Variants in ZNF74 observed in about 807,000 individuals in gnomAD.
The protein encoded by ZNF74 is zinc finger protein 520.
In ZNF74, 12 loss-of-function variants were observed where a neutral mutation model predicts 17.7. That is an observed-to-expected ratio of 0.68 (90% CI 0.43 to 1.10). ZNF74 has a LOEUF of 1.10. ZNF74 is among the 50% of genes least tolerant of loss of function. The pLI is 0.00. For missense variants in ZNF74, 811 were observed against 881.0 expected (o/e 0.92, Z 1.01); for synonymous variants, 358 against 362.1 (o/e 0.99, Z 0.13).
At chr22:20,400,141 T>C (rs1480869700) in intron 2 of ZNF74, 1 of 164,132 alleles carries the variant, frequency 6.1e-6, no homozygotes, top group Non-Finnish European at 1.3e-5. Context: ...GCACAGAACT[T>C]GCTGATATAT....
At position 20,402,833 on chromosome 22, in the gene ZNF74, G is replaced by A. The variant is rs368702962; in HGVS notation, c.343+1461G>A. Among the ~76,000 whole-genome samples, 605 of 149,766 alleles carry A rather than the reference G, an allele frequency of 4.0e-3. 3 individuals are homozygous for A. The highest frequency in any genetic ancestry group is 0.014 in the African/African-American group (585 of 40,750). On this transcript the variant is annotated intron_variant, in intron 4 of 4. Coordinates refer to ENST00000400451, the MANE Select transcript of ZNF74 (RefSeq NM_003426.4). ...AAAAAAAAAAAAAAATTAGCTGGGC[G>A]TGGTGGTGAGCACCTGTAATCCCAG...
rs1209539068 is a variant in ZNF74 at position 20,400,731 on chromosome 22, G to C, written c.220G>C (p.Glu74Gln). The change falls in exon 3 of 5, where the codon GAG (glutamate) becomes CAG (glutamine). Residue 74 changes from glutamate to glutamine, a missense_variant. Transcript: ENST00000400451. The stretch of plus-strand genomic sequence containing the variant: ...GGCCTTGTACCGGGATGTGATGTTG[G>C]AGAACTACCAGAACCTTCTTGCCCT... ...QRALYRDVML[E>Q]NYQNLLALGP... The C allele has an allele frequency of 6.8e-6, 11 of 1,614,024 alleles. No homozygotes were observed. The highest frequency in any genetic ancestry group is 7.6e-6 in the Non-Finnish European group (9 of 1,180,020).
rs1250959566 is a variant in ZNF74 at position 20,401,488 on chromosome 22, C to G, written c.343+116C>G. 1.0e-5 allele frequency: 7 copies of G among 693,360 alleles called. No homozygotes were observed. The highest frequency in any genetic ancestry group is 1.8e-5 in the Non-Finnish European group (7 of 393,734). 43.0% of individuals were successfully genotyped at this position (693,360 alleles called of 1,614,324 possible). ...CCGGCTCCATCTCCCCTTTTCAGGT[C>G]CCCCGCCAGACCCTCCTGCCTGCCT... On this transcript the variant is annotated intron_variant, in intron 4 of 4. Transcript: ENST00000400451. The surrounding 1 kb of genome is among the most constrained non-coding windows in gnomAD (Gnocchi z 4.2).
chr22:20,400,864 A>G, intron 3 of ZNF74, 106 bp downstream of exon 3: 1 of 1,383,914 alleles, frequency 7.2e-7, no homozygotes. Context: ...CAGATATATC[A>G]TGGGGTGGGA....
intron 1 of ZNF74, 98 bp downstream of exon 1, chr22:20,394,760 T>TA: frequency 3.2e-5 from 35 of 1,084,684 alleles, no homozygotes; most frequent in Non-Finnish European, 4.4e-5. Context: ...GCATCCAGCA[T>TA]CTTTTTTTTT....
chr22:20,396,439 C>T (rs898835647), intron 2 of ZNF74, among the ~76,000 whole-genome samples: 5 of 151,840 alleles, frequency 3.3e-5, no homozygotes, highest in African/African-American at 9.7e-5. Context: ...CATATTGTAT[C>T]AATATGAAAT....
Position 20,406,839 on chromosome 22 carries a change from G to T in ZNF74, c.1806G>T (p.Leu602=), listed in dbSNP as rs913539884. The change falls in exon 5 of 5, where the codon CTG becomes CTT. Residue 602 remains leucine, a synonymous_variant. Coordinates refer to ENST00000400451, the MANE Select transcript of ZNF74 (RefSeq NM_003426.4). ...GCACATACTACGTGCCTGGCAGCCT[G>T]CTGGGTGCAGGGGATGCTGGACTGA... ...LLSTYYVPGS[L]LGAGDAGLRD... is the part of the protein sequence containing the mutation. 6.2e-7 allele frequency: 1 copy of T among 1,614,098 alleles called. No homozygotes were observed. Among genetic ancestry groups the T allele is most frequent in the Non-Finnish European group, 8.5e-7 (1 of 1,180,042 alleles).
In ZNF74 at chr22:20,394,402, T is replaced by TGGTGTGGGGAGTGGG; in HGVS notation, c.-226_-212dup. On this transcript the variant is annotated 5_prime_UTR_variant, in exon 1 of 5. Transcript: ENST00000400451. ...AGTGCGCCGAGCATGGGGCTGAGCC[T>TGGTGTGGGGAGTGGG]GGTGTGGGGAGTGGGTATCTGCGGA... 1.5e-6 allele frequency: 1 copy of TGGTGTGGGGAGTGGG among 648,976 alleles called. No individual in the cohort carries two copies. Among genetic ancestry groups the TGGTGTGGGGAGTGGG allele is most frequent in the South Asian group, 1.7e-5 (1 of 60,002 alleles). The allele number at this position is 648,976 out of a possible 1,614,324, so 40.2% of individuals were successfully genotyped here. A position where few individuals can be genotyped will look rare whatever the true frequency, so the allele number is the denominator to read the frequency against.
Position 20,406,486 on chromosome 22 carries a change from G to A in ZNF74, c.1453G>A (p.Ala485Thr), listed in dbSNP as rs1239263448. ...NECGKAFSSH[A>T]YLIVHRRIHT... ...GTGCGGCAAAGCCTTCAGCTCCCAC[G>A]CCTACCTCATCGTGCACCGGCGCAT... Residue 485 changes from alanine (A) to threonine (T), a missense_variant, in exon 5 of 5, where the codon GCC becomes ACC. Ala to Thr is a moderately conservative substitution (Grantham distance 58). Coordinates refer to ENST00000400451, the MANE Select transcript of ZNF74 (RefSeq NM_003426.4). 6.2e-7 allele frequency: 1 copy of A among 1,608,798 alleles called. No individual in the cohort carries two copies. Among genetic ancestry groups the A allele is most frequent in the Non-Finnish European group, 8.5e-7 (1 of 1,178,476 alleles).
rs1569096247 is a variant in ZNF74, at chr22:20,405,890, CCTGGAGCACCAACCTT to C, written c.868_883del (p.Asn290GlyfsTer316). 4 of 1,613,378 alleles carry C rather than the reference CCTGGAGCACCAACCTT, an allele frequency of 2.5e-6. No homozygotes were observed. The highest frequency in any genetic ancestry group is 3.4e-6 in the Non-Finnish European group (4 of 1,179,812). ...TGCGATGAATGCGGCAAGGCCTTCA[CCTGGAGCACCAACCTT>C]CTGGAGCACCGGCGCATCCACACCG... On this transcript the variant is annotated frameshift_variant, in exon 5 of 5. Transcript: ENST00000400451. LOFTEE classifies it low-confidence loss of function (END_TRUNC).
At position 20,406,447 on chromosome 22, in the gene ZNF74, T is replaced by TTCAAG; in HGVS notation, c.1416_1420dup (p.Cys474SerfsTer139). The TTCAAG allele has an allele frequency of 6.2e-7, 1 of 1,613,968 alleles. No homozygotes were observed. The highest frequency in any genetic ancestry group is 8.5e-7 in the Non-Finnish European group (1 of 1,179,966). On this transcript the variant is annotated frameshift_variant, in exon 5 of 5. Transcript: ENST00000400451. LOFTEE classifies it low-confidence loss of function (END_TRUNC). ...GCGCATCCACAGCGGCGAGAAGCCC[T>TTCAAG]TCAAGTGCAACGAGTGCGGCAAAGC...
At position 20,401,090 on chromosome 22, in the gene ZNF74, G is replaced by A; in HGVS notation, c.248-187G>A. 3.3e-6 allele frequency: 2 copies of A among 600,136 alleles called. No homozygotes were observed. Among genetic ancestry groups the A allele is most frequent in the Non-Finnish European group, 5.9e-6 (2 of 336,770 alleles). 37.2% of individuals were successfully genotyped at this position (600,136 alleles called of 1,614,324 possible). A position where few individuals can be genotyped will look rare whatever the true frequency, so the allele number is the denominator to read the frequency against. ...AAGTAAGGACGTCAGCACACGTGGG[G>A]TCTTCAGAGTATACACTGGGATTTG... On this transcript the variant is annotated intron_variant, in intron 3 of 4. Coordinates refer to ENST00000400451, the MANE Select transcript of ZNF74 (RefSeq NM_003426.4). This position sits in a 1 kb window ranked among gnomAD's most constrained non-coding sequence, Gnocchi z 4.2.
rs2052356328 is a variant in ZNF74, at chr22:20,401,439, C to T, written c.343+67C>T. The stretch of plus-strand genomic sequence containing the variant: ...CCTGGTGGCACCTCCTCCTATGGCC[C>T]CTATTTTCCTCCCTCAGTTTGCCCC... On this transcript the variant is annotated intron_variant, in intron 4 of 4. Transcript: ENST00000400451. This position sits in a 1 kb window ranked among gnomAD's most constrained non-coding sequence, Gnocchi z 4.2. 1 of 1,049,028 alleles carries T rather than the reference C, an allele frequency of 9.5e-7. No homozygotes were observed. Among genetic ancestry groups the T allele is most frequent in the Non-Finnish European group, 1.4e-6 (1 of 701,870 alleles). 65.0% of individuals were successfully genotyped at this position (1,049,028 alleles called of 1,614,324 possible).
intron 2 of ZNF74, among the ~76,000 whole-genome samples, chr22:20,397,474 C>A (rs894109038): frequency 2.6e-5 from 4 of 152,100 alleles, no homozygotes; most frequent in African/African-American, 7.2e-5. Context: ...GTTGTGTAAC[C>A]AGCACCACAA....
chr22:20,398,190 G>A (rs376952832), intron 2 of ZNF74, among the ~76,000 whole-genome samples: 142 of 152,034 alleles, frequency 9.3e-4, no homozygotes, highest in Middle Eastern at 3.4e-3. Flanking sequence ...GTTAGTTCTC[G>A]CCTGTAGTCC....
In ZNF74 at chr22:20,394,193, T is replaced by G; in HGVS notation, c.-436T>G. Reference sequence around the variant, plus strand: ...CTCTTTGTGGCAGTCGCAGTCCTTTTGTGGGAGTCCGGTCTGTCCACTTGC... The same window carrying G: ...CTCTTTGTGGCAGTCGCAGTCCTTTGGTGGGAGTCCGGTCTGTCCACTTGC... On this transcript the variant is annotated 5_prime_UTR_variant, in exon 1 of 5. Coordinates refer to ENST00000400451, the MANE Select transcript of ZNF74 (RefSeq NM_003426.4). 1.5e-6 allele frequency: 1 copy of G among 659,934 alleles called. No individual in the cohort carries two copies. Among genetic ancestry groups the G allele is most frequent in the Non-Finnish European group, 2.8e-6 (1 of 360,266 alleles). 40.9% of individuals were successfully genotyped at this position (659,934 alleles called of 1,614,324 possible).
At chr22:20,396,519 T>C (rs761376939) in intron 2 of ZNF74, among the ~76,000 whole-genome samples, 1 of 151,900 alleles carries the variant, frequency 6.6e-6, no homozygotes, top group African/African-American at 2.4e-5. Flanking sequence ...CTGAAGACTG[T>C]AGAGTGAGAC....
Position 20,406,837 on chromosome 22 carries a change from C to T in ZNF74, c.1804C>T (p.Leu602=), listed in dbSNP as rs761981476. Residue 602 remains leucine (L), a synonymous_variant, in exon 5 of 5, where the codon CTG becomes TTG. Coordinates refer to ENST00000400451, the MANE Select transcript of ZNF74 (RefSeq NM_003426.4). ...LLSTYYVPGS[L]LGAGDAGLRD... is the part of the protein sequence containing the mutation. The stretch of plus-strand genomic sequence containing the variant: ...CAGCACATACTACGTGCCTGGCAGC[C>T]TGCTGGGTGCAGGGGATGCTGGACT... 6.2e-7 allele frequency: 1 copy of T among 1,614,114 alleles called. No individual in the cohort carries two copies. The highest frequency in any genetic ancestry group is 8.5e-7 in the Non-Finnish European group (1 of 1,180,044).
In ZNF74 at chr22:20,408,450, C is replaced by T. The variant is rs897086457; in HGVS notation, c.*1482C>T. On this transcript the variant is annotated 3_prime_UTR_variant, in exon 5 of 5. Transcript: ENST00000400451. ...ATTCTTAATAAAACTGCCTTTTGCA[C>T]TTTGATACATTACCCTCTGCTTTGT... The T allele has an allele frequency of 2.0e-5, 3 of 152,176 alleles. No individual in the cohort carries two copies. The highest frequency in any genetic ancestry group is 4.1e-4 in the South Asian group (2 of 4,834). The allele number at this position is 152,176 out of a possible 1,614,324, so 9.4% of individuals were successfully genotyped here.
Sources: allele counts gnomAD v4.1 joint callset (sites outside exome capture counted in the v4.1 genomes callset), GRCh38; gene constraint gnomAD v4.1.1; non-coding constraint Gnocchi (gnomAD v3.1); transcripts MANE v1.5; gene names NCBI Gene and HGNC (gene_info 2026-07-23, HGNC 2026-07-21).